The following XKR9 variants were observed in gnomAD, a reference collection of about 807,000 sequenced individuals.
The protein encoded by XKR9 is XK related 9.
A neutral mutation model predicts 32.0 loss-of-function variants in XKR9; 32 were observed. The ratio of observed to expected loss-of-function variants is 1.00; its 90% CI spans 0.76 to 1.34. The LOEUF (loss-of-function observed/expected upper bound fraction) is 1.34, where lower values mean the gene tolerates loss of function less well. Among genes scored for constraint, XKR9 ranks in the 40% most tolerant of loss-of-function variants. The pLI, the probability that XKR9 is intolerant of heterozygous loss-of-function variation, is 0.00. For missense variants in XKR9, 546 were observed against 429.7 expected (o/e 1.27, Z -2.39); for synonymous variants, 168 against 143.4 (o/e 1.17, Z -1.22).
chr8:70,907,297 G>A, the XKR9 span, among the ~76,000 whole-genome samples: 2 of 152,104 alleles, frequency 1.3e-5, no homozygotes, highest in Admixed American at 1.3e-4. Flanking sequence ...TTTGGTCAAA[G>A]CATTGCTATT....
the XKR9 span, among the ~76,000 whole-genome samples, chr8:70,963,210 C>A: frequency 7.2e-5 from 11 of 152,090 alleles, no homozygotes; most frequent in African/African-American, 2.7e-4. Flanking sequence ...TAAGTGAGAA[C>A]ATTTGGTGTT....
At chr8:70,985,557 A>C in the XKR9 span, among the ~76,000 whole-genome samples, 1 of 152,196 alleles carries the variant, frequency 6.6e-6, no homozygotes. Context: ...ATCTTTGTAC[A>C]TGTATTTGAG....
chr8:70,720,568 T>G (rs1419629913), intron 4 of XKR9, among the ~76,000 whole-genome samples: 1 of 152,218 alleles, frequency 6.6e-6, no homozygotes, highest in African/African-American at 2.4e-5. Flanking sequence ...ATATGGTTTT[T>G]GTCATTGGTT....
the XKR9 span, among the ~76,000 whole-genome samples, chr8:70,997,388 A>G: frequency 1.3e-5 from 2 of 152,170 alleles, no homozygotes; most frequent in African/African-American, 2.4e-5. Context: ...TTTTCATGTC[A>G]TGTTAAACTT....
the XKR9 span, among the ~76,000 whole-genome samples, chr8:70,848,602 A>C: frequency 5.9e-5 from 9 of 152,088 alleles, no homozygotes; most frequent in African/African-American, 2.2e-4. Flanking sequence ...ACAAAATACA[A>C]AATTGTCATG....
the XKR9 span, among the ~76,000 whole-genome samples, chr8:70,831,270 G>T: frequency 7.1e-6 from 1 of 140,020 alleles, no homozygotes; most frequent in South Asian, 2.2e-4. Context: ...TAGCCTGGGT[G>T]ACAGAGCTAG....
the XKR9 span, among the ~76,000 whole-genome samples, chr8:71,041,354 T>C: frequency 2.6e-5 from 4 of 152,150 alleles, no homozygotes; most frequent in East Asian, 7.7e-4. Flanking sequence ...TTTTCACATC[T>C]TGGGAAAGAA....
rs569941805 is a variant in XKR9, at chr8:70,695,993, T to C, written c.273-10940T>C. ...AATAAATGTCTTCTTTTAAGAAGTG[T>C]CTGTTCATGTCCTTCGCCCACTTTT... On this transcript the variant is annotated intron_variant, in intron 3 of 4. Transcript: ENST00000408926. Among the ~76,000 whole-genome samples, 969 of 152,176 alleles carry C rather than the reference T, an allele frequency of 6.4e-3. 11 individuals carry two copies. The highest frequency in any genetic ancestry group is 0.021 in the African/African-American group (885 of 41,530).
the XKR9 span, among the ~76,000 whole-genome samples, chr8:70,948,692 C>G: frequency 6.6e-6 from 1 of 152,168 alleles, no homozygotes; most frequent in South Asian, 2.1e-4. Flanking sequence ...TGCCTGCACA[C>G]AAGCATTATT....
At chr8:71,052,298 G>C in the XKR9 span, among the ~76,000 whole-genome samples, 2 of 152,284 alleles carry the variant, frequency 1.3e-5, no homozygotes, top group South Asian at 4.2e-4. Flanking sequence ...TAGTTAGAGA[G>C]GCTGTCTTAG....
chr8:70,885,419 C>G, the XKR9 span, among the ~76,000 whole-genome samples: 1 of 152,032 alleles, frequency 6.6e-6, no homozygotes, highest in Non-Finnish European at 1.5e-5. Flanking sequence ...TAAAATTTTA[C>G]TTTAAGTTCT....
chr8:71,015,756 T>C, the XKR9 span, among the ~76,000 whole-genome samples: 1 of 149,624 alleles, frequency 6.7e-6, no homozygotes, highest in African/African-American at 2.5e-5. Context: ...CCATTTGTTT[T>C]AATGGTGCCT....
At chr8:70,693,863 G>A (rs943066000) in intron 3 of XKR9, among the ~76,000 whole-genome samples, 6 of 152,182 alleles carry the variant, frequency 3.9e-5, no homozygotes, top group African/African-American at 1.2e-4. Flanking sequence ...TAGTCCGAAG[G>A]TGGCAAGGCA....
chr8:70,683,748 A>G (rs1401885551), intron 3 of XKR9: 1 of 297,390 alleles, frequency 3.4e-6, no homozygotes, highest in Admixed American at 4.9e-5. Context: ...TTGGCCTCCC[A>G]AAGTGTTGGG....
At chr8:70,726,089 A>G (rs1037739164) in intron 4 of XKR9, among the ~76,000 whole-genome samples, 11 of 152,234 alleles carry the variant, frequency 7.2e-5, no homozygotes, top group African/African-American at 2.7e-4. Context: ...CAGTTTGGAA[A>G]GTGCCCCATC....
Position 70,734,506 on chromosome 8 carries a change from C to G in XKR9, c.*82C>G. On this transcript the variant is annotated 3_prime_UTR_variant, in exon 5 of 5. Transcript: ENST00000408926. The stretch of plus-strand genomic sequence containing the variant: ...AATGTGTGTTATGTGGGTGTGTTGT[C>G]TCTTATTTTTGCCACCTTTAATTTG... 1 of 1,380,802 alleles carries G rather than the reference C, an allele frequency of 7.2e-7. No individual in the cohort carries two copies. The highest frequency in any genetic ancestry group is 9.3e-7 in the Non-Finnish European group (1 of 1,073,244). The allele number at this position is 1,380,802 out of a possible 1,614,324, so 85.5% of individuals were successfully genotyped here.
chr8:70,923,970 C>A, the XKR9 span, among the ~76,000 whole-genome samples: 3 of 152,190 alleles, frequency 2.0e-5, no homozygotes, highest in Admixed American at 6.5e-5. Context: ...CAAATCCTGT[C>A]AATTCCATCT....
At chr8:70,960,836 T>A in the XKR9 span, among the ~76,000 whole-genome samples, 1 of 149,576 alleles carries the variant, frequency 6.7e-6, no homozygotes, top group Non-Finnish European at 1.5e-5. Flanking sequence ...TGGCCCACCG[T>A]ACTTCAGCCT....
In XKR9 at chr8:70,734,561, A is replaced by G. The variant is rs1806803828; in HGVS notation, c.*137A>G. The G allele has an allele frequency of 3.6e-6, 4 of 1,120,730 alleles. No individual in the cohort carries two copies. The South Asian group carries it at 1.2e-4, about 33-fold the overall frequency. The allele number at this position is 1,120,730 out of a possible 1,614,324, so 69.4% of individuals were successfully genotyped here. A position where few individuals can be genotyped will look rare whatever the true frequency, so the allele number is the denominator to read the frequency against. On this transcript the variant is annotated 3_prime_UTR_variant, in exon 5 of 5. Transcript: ENST00000408926. ...TAGTTCAGTGAAATAGGAGATACAT[A>G]GTAGTATTTTATTTTTAAAATTAAT...
Sources: gnomAD v4.1 joint callset for allele counts (sites outside exome capture counted in the v4.1 genomes callset) on GRCh38, gnomAD v4.1.1 for gene constraint, MANE v1.5 for transcripts, NCBI Gene and HGNC (gene_info 2026-07-23, HGNC 2026-07-21) for gene names.